Variants in TRAPPC11 observed in about 807,000 individuals in gnomAD.
TRAPPC11 encodes trafficking protein particle complex subunit 11.
TRAPPC11 carries 104 observed loss-of-function variants against 151.2 expected under a neutral mutation model. That is an observed-to-expected ratio of 0.69 (90% CI 0.59 to 0.81). The LOEUF is 0.81. Among genes scored for constraint, TRAPPC11 ranks in the 30% least tolerant of loss-of-function variants. The pLI is 0.00. For missense variants in TRAPPC11, 1,230 were observed against 1,349.6 expected (o/e 0.91, Z 1.39); for synonymous variants, 456 against 472.3 (o/e 0.97, Z 0.45).
At chr4:183,693,855 T>C (rs1029726589) in intron 21 of TRAPPC11, 62 bp from the exon 22 acceptor site, 1 of 1,601,548 alleles carries the variant, frequency 6.2e-7, no homozygotes, top group Admixed American at 1.7e-5. Context: ...CTTCACACAG[T>C]ATTGATTATT....
At chr4:183,690,713 T>C (rs1736217683) in intron 18 of TRAPPC11, among the ~76,000 whole-genome samples, 1 of 152,154 alleles carries the variant, frequency 6.6e-6, no homozygotes, top group Non-Finnish European at 1.5e-5. Context: ...ACACCTGTAA[T>C]CCCAACACTT....
rs146715369 is a variant in TRAPPC11, at chr4:183,697,880, CGCGT to C, written c.2851+47_2851+50del. On this transcript the variant is annotated intron_variant, in intron 25 of 29. Coordinates refer to ENST00000334690, the MANE Select transcript of TRAPPC11 (RefSeq NM_021942.6). The stretch of plus-strand genomic sequence containing the variant: ...ACTTAAAGACCAGGAGAATTGTGCG[CGCGT>C]GTGTGTGTGTGTGTATAAGCTGGCA... The C allele has an allele frequency of 6.5e-4, 1,002 of 1,530,308 alleles. 1 individual carries two copies. The highest frequency in any genetic ancestry group is 8.6e-4 in the African/African-American group (62 of 71,974). The allele number at this position is 1,530,308 out of a possible 1,614,324, so 94.8% of individuals were successfully genotyped here.
rs371903617 is a variant in TRAPPC11, at chr4:183,667,140, G to A, written c.445+10G>A. The A allele has an allele frequency of 2.0e-4, 317 of 1,597,534 alleles. No individual in the cohort carries two copies. The highest frequency in any genetic ancestry group is 2.5e-4 in the Non-Finnish European group (288 of 1,168,558). On this transcript the variant is annotated intron_variant, in intron 4 of 29. Transcript: ENST00000334690. ...ACCCCTTTGCCCCCAGGTATCAGAAGTCTAATTAATGAATTAATTGTTTTA... is the reference window on the plus strand; with the variant it reads ...ACCCCTTTGCCCCCAGGTATCAGAAATCTAATTAATGAATTAATTGTTTTA...
At chr4:183,663,370 A>T (rs1036874065) in intron 1 of TRAPPC11, among the ~76,000 whole-genome samples, 6 of 152,056 alleles carry the variant, frequency 3.9e-5, no homozygotes, top group African/African-American at 1.4e-4. Flanking sequence ...AGTAGCTGGG[A>T]CTACAGGCGC....
In TRAPPC11 at chr4:183,691,361, G is replaced by T; in HGVS notation, c.1939G>T (p.Glu647Ter). The T allele has an allele frequency of 1.3e-6, 2 of 1,557,278 alleles. No individual in the cohort carries two copies. Among genetic ancestry groups the T allele is most frequent in the South Asian group, 1.3e-5 (1 of 79,938 alleles). The change falls in exon 19 of 30, where the codon GAA becomes TAA. Residue 647 changes from glutamate (E) to a stop codon, truncating the protein, a stop_gained. Coordinates refer to ENST00000334690, the MANE Select transcript of TRAPPC11 (RefSeq NM_021942.6). LOFTEE classifies it high-confidence loss of function. Reference sequence around the variant, plus strand: ...AATAGAAGAAGCATCCAAAGCAAATGAAGTTTTAGAAAATCTGACTCAAGG... The same window carrying T: ...AATAGAAGAAGCATCCAAAGCAAATTAAGTTTTAGAAAATCTGACTCAAGG... ...CVIEEASKAN[E>*]VLENLTQGKM...
chr4:183,699,738 A>G lies in TRAPPC11; in HGVS notation c.2851+1903A>G, dbSNP rs572452764. Among the ~76,000 whole-genome samples, 3 of 152,200 alleles carry G rather than the reference A, an allele frequency of 2.0e-5. No homozygotes were observed. The East Asian group carries it at 5.8e-4, about 29-fold the overall frequency. ...TTTCTTTGCCTTCTCCAGCTTCTAG[A>G]GGTCACCTGCACTCCTCCTCATGTG... is the stretch of plus-strand genomic sequence containing the variant. On this transcript the variant is annotated intron_variant, in intron 25 of 29. Transcript: ENST00000334690.
At chr4:183,710,533 G>C (rs939970708) in intron 29 of TRAPPC11, among the ~76,000 whole-genome samples, 7 of 151,112 alleles carry the variant, frequency 4.6e-5, no homozygotes, top group Non-Finnish European at 1.0e-4. Context: ...TGATCCTCCC[G>C]CCTCGGCCTC....
chr4:183,698,700 T>C (rs1019455636), intron 25 of TRAPPC11, among the ~76,000 whole-genome samples: 1 of 152,224 alleles, frequency 6.6e-6, no homozygotes, highest in African/African-American at 2.4e-5. Context: ...TCCTTTTCTT[T>C]CAGTGTTGGT....
intron 6 of TRAPPC11, 116 bp from the exon 7 acceptor site, chr4:183,675,048 T>C (rs1200736148): frequency 1.7e-6 from 1 of 595,036 alleles, no homozygotes; most frequent in African/African-American, 2.0e-5. Flanking sequence ...GAATAATTCT[T>C]GTATTTCAGT....
At chr4:183,693,852 C>G in intron 21 of TRAPPC11, 65 bp from the exon 22 acceptor site, 1 of 1,598,956 alleles carries the variant, frequency 6.3e-7, no homozygotes, top group Non-Finnish European at 8.6e-7. Flanking sequence ...GCTCTTCACA[C>G]AGTATTGATT....
At chr4:183,684,119 G>T (rs762703001) in intron 12 of TRAPPC11, 26 bp from the exon 13 acceptor site, 1 of 1,607,532 alleles carries the variant, frequency 6.2e-7, no homozygotes, top group Admixed American at 1.7e-5. Flanking sequence ...GTATTGAAAT[G>T]TTTCACACTC....
rs1375661786 is a variant in TRAPPC11 at position 183,713,095 on chromosome 4, C to G, written c.*451C>G. ...CATTCTCATAAATTCAGTGTGTACT[C>G]AGAACACATACACAACAACATAGGG... On this transcript the variant is annotated 3_prime_UTR_variant, in exon 30 of 30. Coordinates refer to ENST00000334690, the MANE Select transcript of TRAPPC11 (RefSeq NM_021942.6). 1 of 161,146 alleles carries G rather than the reference C, an allele frequency of 6.2e-6. No homozygotes were observed. The highest frequency in any genetic ancestry group is 1.4e-5 in the Non-Finnish European group (1 of 73,930). 10.0% of individuals were successfully genotyped at this position (161,146 alleles called of 1,614,324 possible). A position where few individuals can be genotyped will look rare whatever the true frequency, so the allele number is the denominator to read the frequency against.
At chr4:183,665,156 G>A (rs1452715439) in intron 2 of TRAPPC11, among the ~76,000 whole-genome samples, 4 of 144,966 alleles carry the variant, frequency 2.8e-5, no homozygotes, top group Admixed American at 1.4e-4. Context: ...GTGCTGTGGC[G>A]CGATATCGGC....
intron 4 of TRAPPC11, among the ~76,000 whole-genome samples, 198 bp downstream of exon 4, chr4:183,667,328 AAGTTCCCCT>A (rs1734934433): frequency 6.6e-6 from 1 of 152,140 alleles, no homozygotes; most frequent in Non-Finnish European, 1.5e-5. Context: ...TGCAAATCTC[AAGTTCCCCT>A]AGTTCCCCTG....
At chr4:183,693,426 A>G (rs1055693899) in intron 20 of TRAPPC11, among the ~76,000 whole-genome samples, 163 bp from the exon 21 acceptor site, 1 of 152,138 alleles carries the variant, frequency 6.6e-6, no homozygotes, top group African/African-American at 2.4e-5. Flanking sequence ...GCCTTGTTTC[A>G]AACTCCTGGG....
intron 23 of TRAPPC11, among the ~76,000 whole-genome samples, chr4:183,695,035 A>G (rs1579208703): frequency 7.5e-6 from 1 of 134,180 alleles, no homozygotes; most frequent in Non-Finnish European, 1.5e-5. Flanking sequence ...TGCGACCTCC[A>G]CCTCCCGGGT....
rs1260344618 is a variant in TRAPPC11, at chr4:183,693,022, GGGA to G, written c.2123_2125del (p.Gly708del). ...GAAGATGTGTGGTTTTAAATTGGCA[GGGA>G]GGAGGAGGAGATGCTGCTTCCTCCC... On this transcript the variant is annotated inframe_deletion, in exon 20 of 30. Transcript: ENST00000334690. 3.7e-6 allele frequency: 6 copies of G among 1,613,586 alleles called. No homozygotes were observed. The African/African-American group carries it at 5.3e-5, about 14-fold the overall frequency.
chr4:183,677,709 G>A (rs971573629), intron 8 of TRAPPC11, among the ~76,000 whole-genome samples, 155 bp downstream of exon 8: 1 of 152,092 alleles, frequency 6.6e-6, no homozygotes, highest in Non-Finnish European at 1.5e-5. Flanking sequence ...GAAGGGCATC[G>A]ATTCTTAGCA....
Position 183,694,683 on chromosome 4 carries a change from C to A in TRAPPC11, c.2588C>A (p.Thr863Lys). Residue 863 changes from threonine (T) to lysine (K), a missense_variant, in exon 23 of 30, where the codon ACA (threonine) becomes AAA (lysine). Thr to Lys is a moderately conservative substitution (Grantham distance 78). Coordinates refer to ENST00000334690, the MANE Select transcript of TRAPPC11 (RefSeq NM_021942.6). Reference protein sequence around the residue: ...FLVYVSYLINTTVEEKEIVCK... With the variant: ...FLVYVSYLINKTVEEKEIVCK... ...GTATATGTTTCTTACCTGATAAATA[C>A]AACCGTTGAAGAAAAAGAAATTGTT... 1 of 1,608,204 alleles carries A rather than the reference C, an allele frequency of 6.2e-7. No individual in the cohort carries two copies. The highest frequency in any genetic ancestry group is 8.5e-7 in the Non-Finnish European group (1 of 1,178,602).
Sources: gnomAD v4.1 joint callset for allele counts (sites outside exome capture counted in the v4.1 genomes callset) on GRCh38, gnomAD v4.1.1 for gene constraint, MANE v1.5 for transcripts, NCBI Gene and HGNC (gene_info 2026-07-23, HGNC 2026-07-21) for gene names.